Variants in KIF16B observed in about 807,000 individuals in gnomAD.
KIF16B encodes kinesin-like protein KIF16B.
A neutral mutation model predicts 156.3 loss-of-function variants in KIF16B; 98 were observed. That is an observed-to-expected ratio of 0.63 (90% confidence interval 0.53 to 0.74). The LOEUF is 0.74. KIF16B is among the 30% of genes least tolerant of loss of function. The pLI, the probability that KIF16B is intolerant of heterozygous loss-of-function variation, is 0.00. For missense variants in KIF16B, 1,421 were observed against 1,606.5 expected, an observed-to-expected ratio of 0.88 and a Z score of 1.97; for synonymous variants, 564 against 583.7, an observed-to-expected ratio of 0.97 and a Z score of 0.49.
intron 23 of KIF16B, among the ~76,000 whole-genome samples, chr20:16,338,929 C>T (rs1370497414): frequency 6.6e-6 from 1 of 152,072 alleles, no homozygotes; most frequent in South Asian, 2.1e-4. Context: ...AACAAAATTC[C>T]AGGGAATAAT....
rs550461316 is a variant in KIF16B at position 16,568,720 on chromosome 20, C to G, written c.47+4509G>C. Among the ~76,000 whole-genome samples the G allele has an allele frequency of 3.4e-5, 5 of 146,716 alleles. No homozygotes were observed. In the East Asian group the frequency reaches 1.1e-3, roughly 32 times the overall value. ...GTCCCAGCTACTCAGGAGCCTGAGG[C>G]AGGGAGATCACCTGAGCCCACCAGG... On this transcript the variant is annotated intron_variant, in intron 1 of 25. Coordinates refer to ENST00000354981, the MANE Select transcript of KIF16B (RefSeq NM_024704.5).
At position 16,507,993 on chromosome 20, in the gene KIF16B, T is replaced by G; in HGVS notation, c.664A>C (p.Arg222=). Residue 222 remains arginine, a synonymous_variant, in exon 7 of 26, where the codon AGG becomes CGG. Transcript: ENST00000354981. ...AATGMNDVSS[R]SHAIFTIKFT... ...TTGATGGTGAAGATGGCATGAGACCTGCTACTGACGTCGTTCATCCCAGTC... is the reference window on the plus strand; with the variant it reads ...TTGATGGTGAAGATGGCATGAGACCGGCTACTGACGTCGTTCATCCCAGTC... 12 of 1,614,164 alleles carry G rather than the reference T, an allele frequency of 7.4e-6. No individual in the cohort carries two copies. Among genetic ancestry groups the G allele is most frequent in the Non-Finnish European group, 9.3e-6 (11 of 1,180,002 alleles).
At chr20:16,514,825 G>C (rs1397160098) in intron 4 of KIF16B, among the ~76,000 whole-genome samples, 1 of 140,954 alleles carries the variant, frequency 7.1e-6, no homozygotes, top group Non-Finnish European at 1.5e-5. Flanking sequence ...GGCAGAGCTT[G>C]CAGCGAGCTG....
intron 17 of KIF16B, among the ~76,000 whole-genome samples, chr20:16,382,471 C>T (rs2065121012): frequency 6.6e-6 from 1 of 152,126 alleles, no homozygotes; most frequent in South Asian, 2.1e-4. Flanking sequence ...CATGTAGGTT[C>T]ATCAAGTTCC....
chr20:16,433,360 C>A (rs1220488613), intron 12 of KIF16B, among the ~76,000 whole-genome samples: 2 of 152,106 alleles, frequency 1.3e-5, no homozygotes, highest in South Asian at 4.2e-4. Context: ...AACCCCCCAC[C>A]CCCAAAAATG....
intron 24 of KIF16B, among the ~76,000 whole-genome samples, chr20:16,329,304 C>G (rs1194010039): frequency 6.6e-6 from 1 of 152,132 alleles, no homozygotes; most frequent in Non-Finnish European, 1.5e-5. Context: ...AATAGGTAAG[C>G]TTCATGAACA....
chr20:16,283,679 T>C (rs1046485926), intron 25 of KIF16B, among the ~76,000 whole-genome samples: 2 of 152,204 alleles, frequency 1.3e-5, no homozygotes, highest in African/African-American at 4.8e-5. Context: ...ACCACAAACG[T>C]TGTGGCTGGA....
intron 1 of KIF16B, among the ~76,000 whole-genome samples, chr20:16,569,480 A>C (rs2071382012): frequency 6.6e-6 from 1 of 152,220 alleles, no homozygotes; most frequent in Admixed American, 6.5e-5. Flanking sequence ...GAAAGCCATA[A>C]GGCAATAAAA....
At chr20:16,298,687 G>A (rs977657596) in intron 25 of KIF16B, among the ~76,000 whole-genome samples, 4 of 152,090 alleles carry the variant, frequency 2.6e-5, no homozygotes, top group African/African-American at 9.7e-5. Context: ...CAGACATCAA[G>A]TGCTTCCTGT....
intron 1 of KIF16B, among the ~76,000 whole-genome samples, chr20:16,551,734 A>G (rs1428896004): frequency 6.6e-6 from 1 of 152,200 alleles, no homozygotes; most frequent in Non-Finnish European, 1.5e-5. Context: ...GCCCTCTGAT[A>G]TCATCAGTGT....
intron 17 of KIF16B, among the ~76,000 whole-genome samples, chr20:16,404,299 A>G (rs1266671968): frequency 1.3e-5 from 2 of 152,150 alleles, no homozygotes; most frequent in African/African-American, 4.8e-5. Flanking sequence ...TAAGGACATG[A>G]GTTAAGCTGA....
intron 24 of KIF16B, among the ~76,000 whole-genome samples, chr20:16,330,588 T>C (rs1278003538): frequency 6.6e-6 from 1 of 152,216 alleles, no homozygotes; most frequent in Non-Finnish European, 1.5e-5. Context: ...CAGCAATAAT[T>C]GGGAAACTAC....
intron 1 of KIF16B, among the ~76,000 whole-genome samples, chr20:16,568,860 C>G (rs568087883): frequency 3.8e-5 from 5 of 130,626 alleles, no homozygotes; most frequent in Admixed American, 2.3e-4. Flanking sequence ...AAAGGCATAG[C>G]TGTGACTGTC....
intron 17 of KIF16B, among the ~76,000 whole-genome samples, chr20:16,382,870 C>T (rs1035455696): frequency 9.2e-5 from 14 of 151,926 alleles, no homozygotes; most frequent in Non-Finnish European, 1.9e-4. Flanking sequence ...TCTTCTTCCT[C>T]GAATAATGTG....
intron 25 of KIF16B, among the ~76,000 whole-genome samples, chr20:16,278,927 A>G (rs1267005094): frequency 6.6e-6 from 1 of 152,162 alleles, no homozygotes; most frequent in Non-Finnish European, 1.5e-5. Flanking sequence ...CCTAGGCCTG[A>G]TGGTGCTTTC....
rs1316212975 is a variant in KIF16B at position 16,508,056 on chromosome 20, G to A, written c.601C>T (p.Leu201Phe). The change falls in exon 7 of 26, where the codon CTT becomes TTT. Residue 201 changes from leucine to phenylalanine, a missense_variant. By Grantham distance (22) the Leu-to-Phe change is conservative. Coordinates refer to ENST00000354981, the MANE Select transcript of KIF16B (RefSeq NM_024704.5). ...LVQNYGDVEE[L>F]MDAGNINRTT... ...CGGTTGATATTGCCCGCATCCATAA[G>A]TTCTTCTACGTCACCATAATTCTGT... 6.2e-7 allele frequency: 1 copy of A among 1,614,114 alleles called. No homozygotes were observed. The highest frequency in any genetic ancestry group is 8.5e-7 in the Non-Finnish European group (1 of 1,179,994).
intron 1 of KIF16B, among the ~76,000 whole-genome samples, chr20:16,540,120 GA>G (rs2070136867): frequency 6.6e-6 from 1 of 152,194 alleles, no homozygotes; most frequent in East Asian, 1.9e-4. Flanking sequence ...GAAGTCCAAG[GA>G]AGCCTGTAAG....
chr20:16,415,187 A>T (rs1205924155), intron 15 of KIF16B, among the ~76,000 whole-genome samples: 1 of 152,178 alleles, frequency 6.6e-6, no homozygotes, highest in African/African-American at 2.4e-5. Flanking sequence ...GTATAGTCAC[A>T]TGATAAATTC....
rs118071765 is a variant in KIF16B, at chr20:16,487,992, T to C, written c.1302+6299A>G. Reference sequence around the variant, plus strand: ...AATCCAACTTATACAAATTGCTCACTTTCCAAGGAAAAGCCTCTCCAGCTA... The same window carrying C: ...AATCCAACTTATACAAATTGCTCACCTTCCAAGGAAAAGCCTCTCCAGCTA... On this transcript the variant is annotated intron_variant, in intron 12 of 25. Coordinates refer to ENST00000354981, the MANE Select transcript of KIF16B (RefSeq NM_024704.5). 2.8e-3 allele frequency among the ~76,000 whole-genome samples: 434 copies of C among 152,288 alleles called. 2 individuals carry two copies. The highest frequency in any genetic ancestry group is 3.9e-3 in the Non-Finnish European group (267 of 68,020).
Sources: allele counts gnomAD v4.1 joint callset (sites outside exome capture counted in the v4.1 genomes callset), GRCh38; gene constraint gnomAD v4.1.1; transcripts MANE v1.5; gene names NCBI Gene and HGNC (gene_info 2026-07-23, HGNC 2026-07-21).